ACCSL: variants seen among roughly 807,000 people sequenced by gnomAD.
ACCSL encodes 1-aminocyclopropane-1-carboxylate synthase homolog (inactive) like.
In ACCSL, 55 loss-of-function variants were observed where a neutral mutation model predicts 61.7. The ratio of observed to expected loss-of-function variants is 0.89; its 90% CI spans 0.72 to 1.12. The LOEUF (loss-of-function observed/expected upper bound fraction) is 1.12, where lower values mean the gene tolerates loss of function less well. Among genes scored for constraint, ACCSL ranks in the 50% most tolerant of loss-of-function variants. ACCSL has a pLI of 0.00. For missense variants in ACCSL, 632 were observed against 698.0 expected, an observed-to-expected ratio of 0.91 and a Z score of 1.07; for synonymous variants, 258 against 264.3, an observed-to-expected ratio of 0.98 and a Z score of 0.23.
At chr11:44,026,541 T>G in the ACCSL span, among the ~76,000 whole-genome samples, 2 of 152,344 alleles carry the variant, frequency 1.3e-5, no homozygotes, top group East Asian at 3.9e-4. Context: ...TTCTGAGGGA[T>G]AGTTTTAATT....
intron 6 of ACCSL, 88 bp from the exon 7 acceptor site, chr11:44,052,903 T>C: frequency 6.7e-7 from 1 of 1,488,558 alleles, no homozygotes; most frequent in Non-Finnish European, 9.4e-7. Context: ...CACTCTGGTA[T>C]GAAGGCAAAG....
the ACCSL span, among the ~76,000 whole-genome samples, chr11:44,023,023 T>C: frequency 8.0e-5 from 12 of 150,324 alleles, 1 homozygote; most frequent in Admixed American, 6.7e-4. Context: ...CCATTCAGAT[T>C]TTCTATTTCT....
chr11:44,008,884 A>G, the ACCSL span, among the ~76,000 whole-genome samples: 1 of 152,236 alleles, frequency 6.6e-6, no homozygotes, highest in Non-Finnish European at 1.5e-5. Context: ...GTCCAAGGTC[A>G]TATCACTGGT....
chr11:44,007,405 C>T, the ACCSL span, among the ~76,000 whole-genome samples: 818 of 152,278 alleles, frequency 5.4e-3, 9 homozygotes, highest in African/African-American at 0.019. Context: ...ATGTGGAATC[C>T]GAAGCCATTG....
At chr11:43,984,072 G>A in the ACCSL span, among the ~76,000 whole-genome samples, 11,429 of 151,960 alleles carry the variant, frequency 0.075, 953 homozygotes, top group East Asian at 0.42. Context: ...AGCCAAGATC[G>A]TGCCACTTCA....
chr11:43,982,271 A>G, the ACCSL span, among the ~76,000 whole-genome samples: 11 of 118,786 alleles, frequency 9.3e-5, 1 homozygote, highest in Middle Eastern at 0.038. Context: ...TCTGTTGCCC[A>G]GGCTGGAGTG....
chr11:43,927,409 G>A, the ACCSL span, among the ~76,000 whole-genome samples: 1 of 152,234 alleles, frequency 6.6e-6, no homozygotes, highest in Non-Finnish European at 1.5e-5. Context: ...AATAAAAAGA[G>A]CAGGTAACAC....
the ACCSL span, among the ~76,000 whole-genome samples, chr11:44,041,839 T>C: frequency 2.0e-5 from 3 of 152,216 alleles, no homozygotes; most frequent in Admixed American, 2.0e-4. Flanking sequence ...GCTTTTTAGC[T>C]GAGAGATGTT....
the ACCSL span, among the ~76,000 whole-genome samples, chr11:44,029,206 C>T: frequency 6.6e-6 from 1 of 152,350 alleles, no homozygotes; most frequent in East Asian, 1.9e-4. Flanking sequence ...TAGGAGAAAG[C>T]CAAGATCCTT....
At chr11:44,037,483 G>A in the ACCSL span, among the ~76,000 whole-genome samples, 41 of 152,292 alleles carry the variant, frequency 2.7e-4, no homozygotes, top group Admixed American at 9.1e-4. Context: ...CCTCTCACCC[G>A]CTGCTTCTCT....
the ACCSL span, among the ~76,000 whole-genome samples, chr11:44,011,632 A>C: frequency 6.6e-6 from 1 of 152,166 alleles, no homozygotes; most frequent in African/African-American, 2.4e-5. Context: ...GAGATCAGTA[A>C]TTTTTGCACA....
At chr11:44,009,894 C>A in the ACCSL span, among the ~76,000 whole-genome samples, 1 of 152,336 alleles carries the variant, frequency 6.6e-6, no homozygotes, top group Non-Finnish European at 1.5e-5. Context: ...CCATCCCAAG[C>A]CCCAGTCCTC....
the ACCSL span, among the ~76,000 whole-genome samples, chr11:43,964,245 C>T: frequency 2.0e-5 from 3 of 151,906 alleles, no homozygotes; most frequent in South Asian, 6.2e-4. Flanking sequence ...AGATCGAGAC[C>T]ATCCTGGCTA....
chr11:44,030,640 G>T, the ACCSL span, among the ~76,000 whole-genome samples: 1 of 151,930 alleles, frequency 6.6e-6, no homozygotes, highest in South Asian at 2.1e-4. Flanking sequence ...TGTTGTTGAT[G>T]TATTGTTTTT....
chr11:44,013,225 C>T, the ACCSL span, among the ~76,000 whole-genome samples: 2 of 152,238 alleles, frequency 1.3e-5, no homozygotes, highest in African/African-American at 2.4e-5. Context: ...ATAAATGGAT[C>T]TGCTTATCTA....
At chr11:43,926,863 A>G in the ACCSL span, among the ~76,000 whole-genome samples, 3 of 150,728 alleles carry the variant, frequency 2.0e-5, no homozygotes, top group African/African-American at 7.3e-5. Flanking sequence ...TGATCCTCCA[A>G]CCTCAGCCTC....
the ACCSL span, among the ~76,000 whole-genome samples, chr11:43,925,838 GC>G: frequency 1.3e-5 from 2 of 152,160 alleles, no homozygotes; most frequent in African/African-American, 4.8e-5. Flanking sequence ...CTCAGAAGCA[GC>G]CCCCTCTTGG....
At chr11:44,034,800 G>A in the ACCSL span, among the ~76,000 whole-genome samples, 1 of 152,186 alleles carries the variant, frequency 6.6e-6, no homozygotes, top group Non-Finnish European at 1.5e-5. Context: ...GAGAACAAGT[G>A]AATTTTAAGT....
At chr11:43,943,381 G>A in the ACCSL span, 20 of 1,399,854 alleles carry the variant, frequency 1.4e-5, no homozygotes, top group African/African-American at 3.1e-5. The surrounding 1 kb of genome is among the most constrained non-coding windows in gnomAD (Gnocchi z 4.8). Flanking sequence ...GCAAGGACCC[G>A]GGACCGCCGC....
Sources: gnomAD v4.1 joint callset for allele counts (sites outside exome capture counted in the v4.1 genomes callset) on GRCh38, gnomAD v4.1.1 for gene constraint, Gnocchi (gnomAD v3.1) non-coding constraint, MANE v1.5 for transcripts, NCBI Gene and HGNC (gene_info 2026-07-23, HGNC 2026-07-21) for gene names.